STRN4: variants seen among roughly 807,000 people sequenced by gnomAD.
STRN4 encodes striatin 4, also known as striatin-4.
A neutral mutation model predicts 77.9 loss-of-function variants in STRN4; 27 were observed. The ratio of observed to expected loss-of-function variants is 0.35; its 90% CI spans 0.26 to 0.48. STRN4 has a LOEUF of 0.48. Ranked by LOEUF, STRN4 falls within the 20% of genes least tolerant of loss-of-function variation. STRN4 has a pLI of 0.99. For missense variants in STRN4, 798 were observed against 1,049.7 expected (o/e 0.76, Z 3.31); for synonymous variants, 466 against 443.1 (o/e 1.05, Z -0.65).
chr19:46,745,143 G>A (rs2054555250), intron 1 of STRN4, among the ~76,000 whole-genome samples: 1 of 149,076 alleles, frequency 6.7e-6, no homozygotes, highest in Non-Finnish European at 1.5e-5. Context: ...CGTCCTCATT[G>A]GCACCATCCC....
chr19:46,721,627 C>A, intron 16 of STRN4: 1 of 255,408 alleles, frequency 3.9e-6, no homozygotes, highest in South Asian at 4.4e-5. Context: ...CCAGAGACAA[C>A]AGGGTGGGAG....
chr19:46,743,182 G>A (rs1421230463), intron 1 of STRN4, among the ~76,000 whole-genome samples: 1 of 152,208 alleles, frequency 6.6e-6, no homozygotes, highest in East Asian at 1.9e-4. Flanking sequence ...TCTCAGGAGA[G>A]AAGAGCAGGA....
At chr19:46,737,873 C>G (rs1599889756) in intron 3 of STRN4, among the ~76,000 whole-genome samples, 1 of 152,198 alleles carries the variant, frequency 6.6e-6, no homozygotes, top group Non-Finnish European at 1.5e-5. Context: ...CCCCAGCACT[C>G]TATAAATAGC....
intron 1 of STRN4, among the ~76,000 whole-genome samples, chr19:46,744,698 T>G (rs2054542286): frequency 6.6e-6 from 1 of 151,882 alleles, no homozygotes; most frequent in African/African-American, 2.4e-5. Flanking sequence ...ACCGACACAA[T>G]TCTCATCAGC....
At chr19:46,724,249 CAAAAA>C (rs71970589) in intron 12 of STRN4, among the ~76,000 whole-genome samples, 26,000 of 85,384 alleles carry the variant, frequency 0.3, 2,933 homozygotes, top group South Asian at 0.4. Flanking sequence ...CTCTTTGTCT[CAAAAA>C]AAAAAAAAAA....
In STRN4 at chr19:46,720,755, C is replaced by T. The variant is rs2053957796; in HGVS notation, c.2109G>A (p.Leu703=). ...TTTTGTTGTCCAGGCTCCAGAGACGCAGGGAGCAGTCATGGCCTGCACATG... is the reference window on the plus strand; with the variant it reads ...TTTTGTTGTCCAGGCTCCAGAGACGTAGGGAGCAGTCATGGCCTGCACATG... The part of the protein sequence containing the change: ...FLMSGSHDCS[L]RLWSLDNKTC... The change falls in exon 17 of 18, where the codon CTG becomes CTA. Residue 703 remains leucine (L), a synonymous_variant. Coordinates refer to ENST00000263280, the MANE Select transcript of STRN4 (RefSeq NM_013403.3). 6.3e-7 allele frequency: 1 copy of T among 1,599,446 alleles called. No individual in the cohort carries two copies. The highest frequency in any genetic ancestry group is 8.5e-7 in the Non-Finnish European group (1 of 1,171,450).
chr19:46,721,906 G>T, intron 16 of STRN4, 80 bp downstream of exon 16: 1 of 1,549,074 alleles, frequency 6.5e-7, no homozygotes. Context: ...GGGGCCCCCT[G>T]AGCACTTGCC....
chr19:46,735,876 A>C (rs2054349835), intron 4 of STRN4, among the ~76,000 whole-genome samples: 2 of 152,086 alleles, frequency 1.3e-5, no homozygotes, highest in African/African-American at 4.8e-5. Context: ...AGGCAGGAGA[A>C]TCGCTTGAAC....
intron 3 of STRN4, among the ~76,000 whole-genome samples, chr19:46,737,517 C>T (rs1459770767): frequency 6.6e-6 from 1 of 152,158 alleles, no homozygotes; most frequent in East Asian, 1.9e-4. Flanking sequence ...TTGCCTCGGC[C>T]AAGCTTCCCC....
At chr19:46,743,998 A>G (rs559612323) in intron 1 of STRN4, among the ~76,000 whole-genome samples, 119 of 152,298 alleles carry the variant, frequency 7.8e-4, no homozygotes, top group Admixed American at 1.8e-3. Context: ...GATCCTAGAT[A>G]AATCACCCTC....
rs770278439 is a variant in STRN4, at chr19:46,728,654, G to A, written c.1003C>T (p.Arg335Trp). 9.9e-6 allele frequency: 16 copies of A among 1,613,922 alleles called. No homozygotes were observed. The highest frequency in any genetic ancestry group is 1.7e-5 in the Admixed American group (1 of 59,996). ...GGGCTCCCATCCACAGTGCACCGCCGAGGGTCTGGAGCCCCTTCCCCATCC... is the reference window on the plus strand; with the variant it reads ...GGGCTCCCATCCACAGTGCACCGCCAAGGGTCTGGAGCCCCTTCCCCATCC... Reference protein sequence around the residue: ...GEDGEGAPDPRRCTVDGSPHE... With the variant: ...GEDGEGAPDPWRCTVDGSPHE... The change falls in exon 7 of 18, where the codon CGG becomes TGG. Residue 335 changes from arginine to tryptophan, a missense_variant. This residue lies in a region of STRN4 where 511 missense variants were observed against 575.9 expected (regional missense o/e 0.89). Transcript: ENST00000263280.
At chr19:46,729,413 T>G (rs2054197843) in intron 6 of STRN4, among the ~76,000 whole-genome samples, 5 of 152,024 alleles carry the variant, frequency 3.3e-5, no homozygotes, top group Admixed American at 3.3e-4. Flanking sequence ...GCTGACCCCT[T>G]CCACATGTCA....
chr19:46,722,760 G>A (rs1161401507), intron 14 of STRN4, 50 bp downstream of exon 14: 1 of 1,604,900 alleles, frequency 6.2e-7, no homozygotes, highest in Non-Finnish European at 8.5e-7. Context: ...AGGAAGTGGG[G>A]CCCAGAAGAC....
In STRN4 at chr19:46,730,780, G is replaced by A. The variant is rs139000551; in HGVS notation, c.831C>T (p.Asp277=). ...GCACGCTGTCCAGCTCATCGTCCTCGTCGCTGTCTTCGTCCTCGCAGTTCT... is the reference window on the plus strand; with the variant it reads ...GCACGCTGTCCAGCTCATCGTCCTCATCGCTGTCTTCGTCCTCGCAGTTCT... ...FLQNCEDEDS[D]EDDELDSVQH... is the part of the protein sequence containing the mutation. Residue 277 remains aspartate, a synonymous_variant, in exon 6 of 18, where the codon GAC becomes GAT. Transcript: ENST00000263280. The A allele has an allele frequency of 9.5e-5, 153 of 1,612,820 alleles. No homozygotes were observed. Among genetic ancestry groups the A allele is most frequent in the Middle Eastern group, 1.7e-4 (1 of 5,902 alleles).
intron 5 of STRN4, chr19:46,732,678 T>G (rs975029743): frequency 1.7e-5 from 4 of 233,098 alleles, no homozygotes; most frequent in Admixed American, 5.3e-5. Flanking sequence ...CTGATGAGAG[T>G]GAACAAGCCA....
At chr19:46,720,513 G>C in intron 17 of STRN4, 23 bp downstream of exon 17, 3 of 1,408,546 alleles carry the variant, frequency 2.1e-6, no homozygotes, top group South Asian at 1.6e-5. Context: ...CAGAGACTCA[G>C]AATGCGGGGT....
intron 1 of STRN4, chr19:46,745,820 G>T: frequency 4.5e-6 from 1 of 223,386 alleles, no homozygotes; most frequent in Non-Finnish European, 8.8e-6. Context: ...GAGCCCCGCG[G>T]CCAGCGTGCT....
Position 46,738,470 on chromosome 19 carries a change from C to A in STRN4, c.387-233G>T, listed in dbSNP as rs2054413141. 6.6e-6 allele frequency among the ~76,000 whole-genome samples: 1 copy of A among 152,136 alleles called. No individual in the cohort carries two copies. The highest frequency in any genetic ancestry group is 1.5e-5 in the Non-Finnish European group (1 of 68,008). Reference sequence around the variant, plus strand: ...TTGAGGAAACCATCAGCCCTTGAAACCCCAGTTCCTTATCTGAAACAGGGC... The same window carrying A: ...TTGAGGAAACCATCAGCCCTTGAAAACCCAGTTCCTTATCTGAAACAGGGC... On this transcript the variant is annotated intron_variant, in intron 2 of 17. Coordinates refer to ENST00000263280, the MANE Select transcript of STRN4 (RefSeq NM_013403.3). The surrounding 1 kb of genome is among the most constrained non-coding windows in gnomAD (Gnocchi z 4.5).
At chr19:46,731,862 G>A (rs1015047063) in intron 5 of STRN4, 1 of 152,332 alleles carries the variant, frequency 6.6e-6, no homozygotes, top group South Asian at 2.1e-4. Context: ...AGGCACTGCA[G>A]ACGGCCATGG....
Sources: allele counts gnomAD v4.1 joint callset (sites outside exome capture counted in the v4.1 genomes callset), GRCh38; gene constraint gnomAD v4.1.1; regional missense constraint gnomAD v4.1.1; non-coding constraint Gnocchi (gnomAD v3.1); transcripts MANE v1.5; gene names NCBI Gene and HGNC (gene_info 2026-07-23, HGNC 2026-07-21).